The following IL36B variants were observed in gnomAD, a reference collection of about 807,000 sequenced individuals.
IL36B encodes the protein interleukin-36 beta.
A neutral mutation model predicts 19.3 loss-of-function variants in IL36B; 23 were observed. The ratio of observed to expected loss-of-function variants is 1.19; its 90% CI spans 0.86 to 1.69. The LOEUF (loss-of-function observed/expected upper bound fraction) is 1.69. IL36B is among the 40% of genes most tolerant of loss of function. The pLI, the probability that IL36B is intolerant of heterozygous loss-of-function variation, is 0.00. For synonymous variants in IL36B, 59 were observed against 59.7 expected, an observed-to-expected ratio of 0.99 and a Z score of 0.05; for missense variants, 217 against 200.5, an observed-to-expected ratio of 1.08 and a Z score of -0.50.
chr2:113,035,874 G>A (rs1161390493), intron 1 of IL36B, among the ~76,000 whole-genome samples: 1 of 152,192 alleles, frequency 6.6e-6, no homozygotes, highest in African/African-American at 2.4e-5. Context: ...AAGGGAAGTG[G>A]TTGCCTCAGG....
chr2:113,043,052 CT>C (rs1685289379), intron 1 of IL36B, among the ~76,000 whole-genome samples: 1 of 151,962 alleles, frequency 6.6e-6, no homozygotes, highest in Non-Finnish European at 1.5e-5. Context: ...TTTTTGTAGG[CT>C]TTTTGTTTTG....
chr2:113,023,635 G>C (rs867347147), intron 5 of IL36B, among the ~76,000 whole-genome samples: 1 of 152,308 alleles, frequency 6.6e-6, no homozygotes. Flanking sequence ...CTTAGTTAAG[G>C]AGACAACCAT....
At chr2:113,036,409 T>C (rs1290583897) in intron 1 of IL36B, among the ~76,000 whole-genome samples, 3 of 151,238 alleles carry the variant, frequency 2.0e-5, no homozygotes, top group Non-Finnish European at 4.4e-5. Flanking sequence ...GAGATAAATA[T>C]AGGAAACTTA....
intron 3 of IL36B, among the ~76,000 whole-genome samples, chr2:113,030,521 T>C (rs151149843): frequency 7.2e-5 from 11 of 152,236 alleles, no homozygotes; most frequent in Admixed American, 3.3e-4. Context: ...CTGACAATGA[T>C]AGAAAGGGTC....
intron 1 of IL36B, among the ~76,000 whole-genome samples, chr2:113,039,860 A>C (rs950468961): frequency 4.6e-4 from 29 of 63,500 alleles, no homozygotes; most frequent in Non-Finnish European, 7.4e-4. Flanking sequence ...GACCTGGGTC[A>C]GATAGCGAAG....
chr2:113,022,541 G>A lies in IL36B; in HGVS notation c.*133C>T. 1.6e-6 allele frequency: 1 copy of A among 610,506 alleles called. No homozygotes were observed. The highest frequency in any genetic ancestry group is 2.0e-5 in the South Asian group (1 of 49,952). 37.8% of individuals were successfully genotyped at this position (610,506 alleles called of 1,614,324 possible). ...TTTACCAACTCTTTAAAAATACATA[G>A]TGTCCTTGTTTTACAAACTCTCCAG... On this transcript the variant is annotated 3_prime_UTR_variant, in exon 6 of 6. Transcript: ENST00000259213.
At chr2:113,046,811 C>A (rs369492721) in intron 1 of IL36B, among the ~76,000 whole-genome samples, 1 of 118,610 alleles carries the variant, frequency 8.4e-6, no homozygotes, top group Non-Finnish European at 1.8e-5. Flanking sequence ...GTTAATCTTA[C>A]CTGGCTGAGA....
At chr2:113,051,032 C>T (rs939551366) in intron 1 of IL36B, among the ~76,000 whole-genome samples, 2 of 151,948 alleles carry the variant, frequency 1.3e-5, no homozygotes, top group South Asian at 4.2e-4. Context: ...CCGTGCCTCT[C>T]AGCGTGGCCT....
At position 113,026,112 on chromosome 2, in the gene IL36B, T is replaced by C; in HGVS notation, c.382A>G (p.Ile128Val). Residue 128 changes from isoleucine (I) to valine (V), a missense_variant, in exon 5 of 6, where the codon ATA becomes GTA. Coordinates refer to ENST00000259213, the MANE Select transcript of IL36B (RefSeq NM_014438.5). Reference sequence around the variant, plus strand: ...AGAATTTGCTCCTCACCCACTCCTATTCCCCATTGGTCAAGGGTTCCCATG... The same window carrying C: ...AGAATTTGCTCCTCACCCACTCCTACTCCCCATTGGTCAAGGGTTCCCATG... The C allele has an allele frequency of 6.2e-7, 1 of 1,613,638 alleles. No individual in the cohort carries two copies. Among genetic ancestry groups the C allele is most frequent in the Non-Finnish European group, 8.5e-7 (1 of 1,179,690 alleles).
intron 1 of IL36B, among the ~76,000 whole-genome samples, chr2:113,046,926 G>A (rs1442793033): frequency 1.3e-5 from 2 of 152,186 alleles, no homozygotes; most frequent in Non-Finnish European, 2.9e-5. Flanking sequence ...CTTAGAGCCT[G>A]AAGGTTATGT....
At chr2:113,041,751 T>TG (rs1181700090) in intron 1 of IL36B, among the ~76,000 whole-genome samples, 2 of 152,176 alleles carry the variant, frequency 1.3e-5, no homozygotes, top group African/African-American at 4.8e-5. Flanking sequence ...AGCAATCTAA[T>TG]TTTTTTAGAG....
chr2:113,043,211 G>A (rs1685292211), intron 1 of IL36B, among the ~76,000 whole-genome samples: 1 of 152,012 alleles, frequency 6.6e-6, no homozygotes, highest in Non-Finnish European at 1.5e-5. Flanking sequence ...TACATTACAA[G>A]TATTTTTCCC....
chr2:113,044,256 CTATATGTGTGTG>C (rs1231561118), intron 1 of IL36B, among the ~76,000 whole-genome samples: 6 of 136,218 alleles, frequency 4.4e-5, no homozygotes, highest in African/African-American at 1.4e-4. Context: ...ATATCTATAT[CTATATGTGTGTG>C]TGTGTGTGTG....
At chr2:113,036,053 T>C (rs1392781976) in intron 1 of IL36B, among the ~76,000 whole-genome samples, 1 of 152,204 alleles carries the variant, frequency 6.6e-6, no homozygotes, top group Non-Finnish European at 1.5e-5. Context: ...CAAGAAATTC[T>C]CCTGCCTCAG....
intron 1 of IL36B, 40 bp from the exon 2 acceptor site, chr2:113,031,806 C>T: frequency 1.0e-6 from 1 of 962,008 alleles, no homozygotes; most frequent in Non-Finnish European, 1.6e-6. Flanking sequence ...AGAGAAGAAA[C>T]ATGTTATGCT....
At chr2:113,030,157 G>T (rs1163297116) in intron 3 of IL36B, among the ~76,000 whole-genome samples, 1 of 152,050 alleles carries the variant, frequency 6.6e-6, no homozygotes, top group Non-Finnish European at 1.5e-5. Context: ...CTTGAAACCT[G>T]GGAGGTGGAG....
intron 1 of IL36B, among the ~76,000 whole-genome samples, chr2:113,032,902 T>G (rs945514788): frequency 1.3e-5 from 2 of 152,170 alleles, no homozygotes; most frequent in Admixed American, 1.3e-4. Flanking sequence ...GCTTCCTGAT[T>G]AACAAGAGCA....
At chr2:113,028,193 A>C in intron 4 of IL36B, 78 bp from the exon 5 acceptor site, 1 of 1,158,882 alleles carries the variant, frequency 8.6e-7, no homozygotes, top group Non-Finnish European at 1.3e-6. Flanking sequence ...AGTGTGTAAC[A>C]GGAGAGGGAC....
rs966575805 is a variant in IL36B, at chr2:113,036,737, C to T, written c.-57-4971G>A. Among the ~76,000 whole-genome samples, 4 of 150,618 alleles carry T rather than the reference C, an allele frequency of 2.7e-5. No individual in the cohort carries two copies. The South Asian group carries it at 6.2e-4, about 23-fold the overall frequency. On this transcript the variant is annotated intron_variant, in intron 1 of 5. Transcript: ENST00000259213. ...AATAAGCATTTGATCCTGCCCAGAG[C>T]GCCTTATCCTGATTCTTTAAGCTGA... is the stretch of plus-strand genomic sequence containing the variant.
Sources: gnomAD v4.1 joint callset for allele counts (sites outside exome capture counted in the v4.1 genomes callset) on GRCh38, gnomAD v4.1.1 for gene constraint, MANE v1.5 for transcripts, NCBI Gene and HGNC (gene_info 2026-07-23, HGNC 2026-07-21) for gene names.